PEBP4: variants seen among roughly 807,000 people sequenced by gnomAD.
PEBP4 encodes phosphatidylethanolamine binding protein 4.
A neutral mutation model predicts 23.9 loss-of-function variants in PEBP4; 22 were observed. The observed-to-expected ratio is 0.92, with a 90% confidence interval of 0.66 to 1.31. PEBP4 has a LOEUF of 1.31. Ranked by LOEUF, PEBP4 falls within the 40% of genes most tolerant of loss-of-function variation. The probability of loss-of-function intolerance (pLI) is 0.00; values close to 1 mark genes in which losing one functional copy is unlikely to be tolerated. For missense variants in PEBP4, 324 were observed against 281.7 expected (o/e 1.15, Z -1.07); for synonymous variants, 112 against 99.3 (o/e 1.13, Z -0.76).
chr8:22,799,383 T>C (rs998649823), intron 4 of PEBP4, among the ~76,000 whole-genome samples: 1 of 152,230 alleles, frequency 6.6e-6, no homozygotes, highest in Admixed American at 6.5e-5. Context: ...TATGTTATAA[T>C]GCTTTTCCTG....
At chr8:22,929,945 A>G (rs1427384553), upstream of PEBP4, among the ~76,000 whole-genome samples, 1 of 152,154 alleles carries the variant, frequency 6.6e-6, no homozygotes, top group Admixed American at 6.5e-5. Flanking sequence ...GGCTCAAGTA[A>G]TCCACCTGTG....
chr8:22,779,944 T>C (rs1275878886), intron 4 of PEBP4, among the ~76,000 whole-genome samples: 2 of 149,762 alleles, frequency 1.3e-5, no homozygotes, highest in African/African-American at 4.9e-5. Flanking sequence ...GCATCTTGTT[T>C]TTTTAAAATC....
At chr8:22,724,179 C>T (rs780231899) in intron 6 of PEBP4, among the ~76,000 whole-genome samples, 11 of 152,180 alleles carry the variant, frequency 7.2e-5, no homozygotes, top group Admixed American at 3.9e-4. Context: ...ATGGCTCACA[C>T]TGGGTCAGGT....
intron 4 of PEBP4, among the ~76,000 whole-genome samples, chr8:22,808,845 TGA>T (rs1806555838): frequency 1.3e-5 from 2 of 152,332 alleles, no homozygotes; most frequent in African/African-American, 4.8e-5. Context: ...AGATTTGATT[TGA>T]TTTGATTTTT....
chr8:22,733,826 TG>T (rs1304653613), intron 4 of PEBP4, among the ~76,000 whole-genome samples: 1 of 5,332 alleles, frequency 1.9e-4, no homozygotes, highest in Non-Finnish European at 3.9e-4. Flanking sequence ...TTGGGGAGGG[TG>T]GGGATGGGGG....
At chr8:22,786,264 TTC>T (rs1806024923) in intron 4 of PEBP4, among the ~76,000 whole-genome samples, 1 of 152,112 alleles carries the variant, frequency 6.6e-6, no homozygotes, top group Non-Finnish European at 1.5e-5. Flanking sequence ...CTAGGTATAT[TTC>T]TGTTTTTTTG....
At chr8:22,805,983 G>A (rs1806486964) in intron 4 of PEBP4, among the ~76,000 whole-genome samples, 2 of 152,046 alleles carry the variant, frequency 1.3e-5, no homozygotes, top group South Asian at 4.1e-4. Context: ...TATTGATGTG[G>A]CCTAAGATGA....
At chr8:22,899,690 G>C (rs78288357) in intron 3 of PEBP4, among the ~76,000 whole-genome samples, 2 of 152,170 alleles carry the variant, frequency 1.3e-5, no homozygotes, top group South Asian at 4.1e-4. Flanking sequence ...AGGAGAGAGA[G>C]GAGGGTGCCA....
chr8:22,919,351 G>C (rs1028838660), intron 3 of PEBP4, among the ~76,000 whole-genome samples: 3 of 152,172 alleles, frequency 2.0e-5, no homozygotes, highest in Non-Finnish European at 4.4e-5. Flanking sequence ...GTCCTGCCTA[G>C]ATTGACAGCA....
intron 3 of PEBP4, among the ~76,000 whole-genome samples, chr8:22,826,404 C>A (rs1806969243): frequency 6.6e-6 from 1 of 152,144 alleles, no homozygotes; most frequent in Non-Finnish European, 1.5e-5. Flanking sequence ...GTGATTTTTC[C>A]AACTAAAGAT....
At chr8:22,757,915 C>G (rs990734478) in intron 4 of PEBP4, 6 of 152,258 alleles carry the variant, frequency 3.9e-5, no homozygotes, top group African/African-American at 1.4e-4. Flanking sequence ...CCCAGCTTCC[C>G]TGGCCGGATG....
chr8:22,717,840 C>G (rs529899397), intron 6 of PEBP4, among the ~76,000 whole-genome samples: 1 of 152,138 alleles, frequency 6.6e-6, no homozygotes, highest in African/African-American at 2.4e-5. Flanking sequence ...GCCTAATAAC[C>G]GCCCCACAGA....
chr8:22,728,555 T>TCTTTCTTTCTTC (rs1804666630), intron 4 of PEBP4, among the ~76,000 whole-genome samples: 3 of 69,498 alleles, frequency 4.3e-5, no homozygotes, highest in South Asian at 4.9e-4. Context: ...TTTCTTTCTT[T>TCTTTCTTTCTTC]CTTTCTTCCT....
intron 4 of PEBP4, among the ~76,000 whole-genome samples, chr8:22,807,697 C>T (rs1437578974): frequency 6.6e-6 from 1 of 152,104 alleles, no homozygotes; most frequent in African/African-American, 2.4e-5. Flanking sequence ...TCTGACTTTT[C>T]CAGGCCTGCT....
chr8:22,736,464 G>C (rs1362354413), intron 4 of PEBP4, among the ~76,000 whole-genome samples: 1 of 152,014 alleles, frequency 6.6e-6, no homozygotes, highest in Admixed American at 6.6e-5. Flanking sequence ...AAATTAACCA[G>C]ACGAGGTGGT....
intron 3 of PEBP4, chr8:22,897,629 AC>A (rs1462192612): frequency 6.6e-6 from 1 of 151,998 alleles, no homozygotes; most frequent in Non-Finnish European, 1.5e-5. Context: ...GAGTTTCAAA[AC>A]CATTTCTATC....
At chr8:22,924,505 C>T (rs1246737425) in intron 2 of PEBP4, among the ~76,000 whole-genome samples, 1 of 152,144 alleles carries the variant, frequency 6.6e-6, no homozygotes, top group African/African-American at 2.4e-5. Context: ...TGAATGACCA[C>T]AAAGAAGATG....
At chr8:22,781,085 G>A (rs1232497676) in intron 4 of PEBP4, among the ~76,000 whole-genome samples, 2 of 152,264 alleles carry the variant, frequency 1.3e-5, no homozygotes, top group Non-Finnish European at 2.9e-5. Flanking sequence ...GCGCCTGATT[G>A]TGGGATGGCA....
intron 3 of PEBP4, among the ~76,000 whole-genome samples, chr8:22,833,633 G>T (rs1807134594): frequency 6.6e-6 from 1 of 152,140 alleles, no homozygotes; most frequent in Non-Finnish European, 1.5e-5. Context: ...TTCGAATGTG[G>T]GTTACTGTCT....
Sources: gnomAD v4.1 joint callset for allele counts (sites outside exome capture counted in the v4.1 genomes callset) on GRCh38, gnomAD v4.1.1 for gene constraint, MANE v1.5 for transcripts, NCBI Gene and HGNC (gene_info 2026-07-23, HGNC 2026-07-21) for gene names.